Variants in PAM observed in about 807,000 individuals in gnomAD.
PAM encodes the protein peptidylglycine alpha-amidating monooxygenase, also known as peptidyl-glycine alpha-amidating monooxygenase.
PAM carries 72 observed loss-of-function variants against 122.1 expected under a neutral mutation model. The ratio of observed to expected loss-of-function variants is 0.59; its 90% CI spans 0.49 to 0.72. The LOEUF is 0.72. PAM is among the 30% of genes least tolerant of loss of function. The probability of loss-of-function intolerance (pLI) is 0.00; values close to 1 mark genes in which losing one functional copy is unlikely to be tolerated. For synonymous variants in PAM, 389 were observed against 404.4 expected (o/e 0.96, Z 0.46); for missense variants, 1,106 against 1,183.7 (o/e 0.93, Z 0.96).
chr5:102,777,066 A>G (rs1441823259), intron 1 of PAM, among the ~76,000 whole-genome samples: 1 of 152,080 alleles, frequency 6.6e-6, no homozygotes, highest in Non-Finnish European at 1.5e-5. Context: ...ATTCAGGGAT[A>G]TTTGTATTGT....
chr5:103,026,288 G>C (rs1038783014), intron 24 of PAM, among the ~76,000 whole-genome samples: 2 of 152,132 alleles, frequency 1.3e-5, no homozygotes, highest in African/African-American at 4.8e-5. Flanking sequence ...ATCAGGGAGA[G>C]GGGGAGCATT....
At chr5:102,858,786 A>T (rs1203649427) in intron 1 of PAM, among the ~76,000 whole-genome samples, 1 of 152,228 alleles carries the variant, frequency 6.6e-6, no homozygotes, top group Non-Finnish European at 1.5e-5. Context: ...TCTCCATAGA[A>T]AATCTCTGGA....
intron 5 of PAM, among the ~76,000 whole-genome samples, chr5:102,920,567 G>A (rs1054306765): frequency 5.9e-5 from 9 of 151,980 alleles, no homozygotes; most frequent in African/African-American, 2.2e-4. Context: ...TCTGAATTTG[G>A]GAAAATATTC....
chr5:102,767,757 G>T (rs1214044730), intron 1 of PAM, among the ~76,000 whole-genome samples: 1 of 152,132 alleles, frequency 6.6e-6, no homozygotes, highest in Non-Finnish European at 1.5e-5. Context: ...AACAGCCATA[G>T]ATTGTTTATT....
chr5:102,792,901 T>TCATA (rs748012868), intron 1 of PAM, among the ~76,000 whole-genome samples: 2 of 152,152 alleles, frequency 1.3e-5, no homozygotes, highest in African/African-American at 2.4e-5. Context: ...AAGTATTAGG[T>TCATA]CATACAGTAG....
At chr5:102,977,459 AT>A (rs1021851646) in intron 15 of PAM, among the ~76,000 whole-genome samples, 2 of 151,900 alleles carry the variant, frequency 1.3e-5, no homozygotes, top group South Asian at 2.1e-4. Context: ...TGCGAATAGC[AT>A]TTTTTTTAGG....
intron 1 of PAM, among the ~76,000 whole-genome samples, chr5:102,856,974 A>C (rs1466611546): frequency 6.6e-6 from 1 of 152,174 alleles, no homozygotes; most frequent in Admixed American, 6.5e-5. Flanking sequence ...AACAAAAAAC[A>C]GCAACTTGGT....
At chr5:102,871,075 A>C (rs1262797058) in intron 3 of PAM, among the ~76,000 whole-genome samples, 1 of 152,224 alleles carries the variant, frequency 6.6e-6, no homozygotes, top group Non-Finnish European at 1.5e-5. Flanking sequence ...GCCTAAATCT[A>C]ACTCAAATCC....
intron 1 of PAM, among the ~76,000 whole-genome samples, chr5:102,841,406 TACACACACACACACACAC>T (rs35825092): frequency 7.2e-6 from 1 of 138,440 alleles, no homozygotes; most frequent in Non-Finnish European, 1.6e-5. Flanking sequence ...CACCTACAAA[TACACACACACACACACAC>T]ACACACACAC....
chr5:102,911,425 A>AC (rs1801361436), intron 4 of PAM, among the ~76,000 whole-genome samples: 1 of 152,034 alleles, frequency 6.6e-6, no homozygotes, highest in Admixed American at 6.6e-5. Context: ...AAAATTAAAC[A>AC]CATACCTAGT....
At chr5:102,791,178 T>G (rs1761966524) in intron 1 of PAM, among the ~76,000 whole-genome samples, 1 of 152,136 alleles carries the variant, frequency 6.6e-6, no homozygotes. Flanking sequence ...GACACTCTGA[T>G]GAAAATACTT....
chr5:102,789,007 A>G (rs954492827), intron 1 of PAM, among the ~76,000 whole-genome samples: 3 of 152,152 alleles, frequency 2.0e-5, no homozygotes, highest in Non-Finnish European at 2.9e-5. Context: ...GTATTTATGG[A>G]TGACATTACC....
intron 1 of PAM, among the ~76,000 whole-genome samples, chr5:102,817,979 C>T (rs1190164356): frequency 8.4e-6 from 1 of 118,350 alleles, no homozygotes; most frequent in African/African-American, 3.2e-5. Context: ...CAGGTCTTTT[C>T]TTTGTAAAAC....
intron 4 of PAM, among the ~76,000 whole-genome samples, chr5:102,910,799 T>C (rs1801168502): frequency 6.6e-6 from 1 of 151,868 alleles, no homozygotes; most frequent in Non-Finnish European, 1.5e-5. Flanking sequence ...CTTTGGTGTA[T>C]GATGGGTGAA....
intron 1 of PAM, among the ~76,000 whole-genome samples, chr5:102,788,337 GTTA>G (rs1761121800): frequency 6.6e-6 from 1 of 152,086 alleles, no homozygotes; most frequent in African/African-American, 2.4e-5. Context: ...GTGGCAGTGA[GTTA>G]TTACGGTCTT....
rs543298151 is a variant in PAM at position 103,007,548 on chromosome 5, C to T, written c.2106C>T (p.Asp702=). 2.1e-5 allele frequency: 34 copies of T among 1,613,850 alleles called. No individual in the cohort carries two copies. In the South Asian group the frequency reaches 3.7e-4, roughly 18 times the overall value. Residue 702 remains aspartate, a synonymous_variant, in exon 20 of 26, where the codon GAC becomes GAT. Transcript: ENST00000438793. The stretch of plus-strand genomic sequence containing the variant: ...TTTTGGGCCAATTATGTGTGGCAGA[C>T]CGGGAAAATGGTCGGATCCAGTGTT... ...VPLLGQLCVA[D]RENGRIQCFK...
At chr5:102,944,614 C>T (rs1262626155) in intron 7 of PAM, among the ~76,000 whole-genome samples, 1 of 151,960 alleles carries the variant, frequency 6.6e-6, no homozygotes, top group Non-Finnish European at 1.5e-5. Context: ...GACTTCAAGC[C>T]CAAAACTCAG....
At chr5:102,758,078 T>G (rs1452648948) in intron 1 of PAM, among the ~76,000 whole-genome samples, 4 of 29,312 alleles carry the variant, frequency 1.4e-4, no homozygotes, top group East Asian at 1.2e-3. Context: ...ATTTTGTTTT[T>G]TTTTTTTTTT....
chr5:102,851,966 G>A (rs1781439146), intron 1 of PAM, among the ~76,000 whole-genome samples: 1 of 152,208 alleles, frequency 6.6e-6, no homozygotes, highest in Admixed American at 6.5e-5. Context: ...AAGGTATTGT[G>A]GAACAAAATG....
Sources: allele counts gnomAD v4.1 joint callset (sites outside exome capture counted in the v4.1 genomes callset), GRCh38; gene constraint gnomAD v4.1.1; transcripts MANE v1.5; gene names NCBI Gene and HGNC (gene_info 2026-07-23, HGNC 2026-07-21).